RECK: variants seen among roughly 807,000 people sequenced by gnomAD.
The protein encoded by RECK is reversion inducing cysteine rich protein with kazal motifs.
RECK carries 69 observed loss-of-function variants against 115.1 expected under a neutral mutation model. The observed-to-expected ratio is 0.60, with a 90% CI of 0.49 to 0.73. The LOEUF (loss-of-function observed/expected upper bound fraction) is 0.73, where lower values mean the gene tolerates loss of function less well. Ranked by LOEUF, RECK falls within the 30% of genes least tolerant of loss-of-function variation. RECK has a pLI of 0.00. For missense variants in RECK, 1,047 were observed against 1,203.7 expected (o/e 0.87, Z 1.93); for synonymous variants, 414 against 419.7 (o/e 0.99, Z 0.17).
intron 9 of RECK, 82 bp downstream of exon 9, chr9:36,088,043 A>G: frequency 2.0e-6 from 2 of 1,018,780 alleles, no homozygotes; most frequent in Non-Finnish European, 3.0e-6. Context: ...AACGTGTGTT[A>G]TATTCTTACG....
In RECK at chr9:36,104,125, T is replaced by C. The variant is rs552949234; in HGVS notation, c.1436-1018T>C. ...TATTACCATAATAAATTCTCATTTA[T>C]GATAAAACACGCTAAATTATCCTTC... On this transcript the variant is annotated intron_variant, in intron 12 of 20. Coordinates refer to ENST00000377966, the MANE Select transcript of RECK (RefSeq NM_021111.3). Among the ~76,000 whole-genome samples, 377 of 151,662 alleles carry C rather than the reference T, an allele frequency of 2.5e-3. 3 individuals carry two copies. Among genetic ancestry groups the C allele is most frequent in the African/African-American group, 8.9e-3 (367 of 41,382 alleles).
chr9:36,057,300 T>A (rs572558999), intron 2 of RECK, among the ~76,000 whole-genome samples: 1 of 152,202 alleles, frequency 6.6e-6, no homozygotes, highest in South Asian at 2.1e-4. Context: ...TAAAAGTAAT[T>A]AAGAACAGTT....
At position 36,052,243 on chromosome 9, in the gene RECK, G is replaced by T. The variant is rs543212097; in HGVS notation, c.101-22G>T. 25 of 1,517,846 alleles carry T rather than the reference G, an allele frequency of 1.6e-5. No homozygotes were observed. In the South Asian group the frequency reaches 2.8e-4, roughly 17 times the overall value. The allele number at this position is 1,517,846 out of a possible 1,614,324, so 94.0% of individuals were successfully genotyped here. A position where few individuals can be genotyped will look rare whatever the true frequency, so the allele number is the denominator to read the frequency against. Reference sequence around the variant, plus strand: ...CTTGTTTAACAGTGGAACAACATTTGATGTTTATTTTTTCTCCCTAGGTGC... The same window carrying T: ...CTTGTTTAACAGTGGAACAACATTTTATGTTTATTTTTTCTCCCTAGGTGC... On this transcript the variant is annotated intron_variant, in intron 1 of 20. Coordinates refer to ENST00000377966, the MANE Select transcript of RECK (RefSeq NM_021111.3).
chr9:36,115,440 G>A (rs1443965701), intron 16 of RECK, among the ~76,000 whole-genome samples: 3 of 151,916 alleles, frequency 2.0e-5, no homozygotes, highest in Non-Finnish European at 4.4e-5. Context: ...TCAAGTCTCT[G>A]CCCTGCTCAC....
rs1242845310 is a variant in RECK, at chr9:36,102,174, A to G, written c.1379A>G (p.Glu460Gly). The change falls in exon 12 of 21, where the codon GAG becomes GGG. Residue 460 changes from glutamate (E) to glycine (G), a missense_variant. Physicochemically the swap from Glu to Gly is moderately conservative, Grantham distance 98. Coordinates refer to ENST00000377966, the MANE Select transcript of RECK (RefSeq NM_021111.3). ...GACCACACAGCTGAAAGTATTTGTG[A>G]GCTTCTGTCACCTACAGATGATCTG... ...PEDHTAESICELLSPTDDLKN... is the reference protein window; with the variant it reads ...PEDHTAESICGLLSPTDDLKN... 6.2e-7 allele frequency: 1 copy of G among 1,613,530 alleles called. No homozygotes were observed. The highest frequency in any genetic ancestry group is 1.3e-5 in the African/African-American group (1 of 74,902).
At chr9:36,054,055 G>A (rs905016609) in intron 2 of RECK, among the ~76,000 whole-genome samples, 2 of 152,258 alleles carry the variant, frequency 1.3e-5, no homozygotes, top group South Asian at 2.1e-4. Context: ...CGGCTAAGTC[G>A]CCATCCTGAT....
At position 36,036,917 on chromosome 9, in the gene RECK, G is replaced by A; in HGVS notation, c.-82G>A. On this transcript the variant is annotated 5_prime_UTR_variant, in exon 1 of 21. Transcript: ENST00000377966. ...GGGCGCTGGGGGCGGGGCCTCGCGCGAGCGGCGGCGGTAGCGGCGGCAGCG... is the reference window on the plus strand; with the variant it reads ...GGGCGCTGGGGGCGGGGCCTCGCGCAAGCGGCGGCGGTAGCGGCGGCAGCG... 1 of 910,030 alleles carries A rather than the reference G, an allele frequency of 1.1e-6. No homozygotes were observed. The highest frequency in any genetic ancestry group is 3.1e-5 in the South Asian group (1 of 32,284). 56.4% of individuals were successfully genotyped at this position (910,030 alleles called of 1,614,324 possible). A position where few individuals can be genotyped will look rare whatever the true frequency, so the allele number is the denominator to read the frequency against.
intron 9 of RECK, 129 bp from the exon 10 acceptor site, chr9:36,091,035 A>C (rs1823138146): frequency 1.4e-6 from 1 of 703,718 alleles, no homozygotes. Context: ...GGAAATAGTC[A>C]TTTGGTTTTT....
At chr9:36,083,809 G>A (rs1289501025) in intron 8 of RECK, among the ~76,000 whole-genome samples, 1 of 152,148 alleles carries the variant, frequency 6.6e-6, no homozygotes, top group African/African-American at 2.4e-5. Flanking sequence ...CACTGATATG[G>A]ATTTTTTAGA....
At chr9:36,065,766 A>G in intron 6 of RECK, 142 bp downstream of exon 6, 1 of 558,782 alleles carries the variant, frequency 1.8e-6, no homozygotes, top group Non-Finnish European at 2.8e-6. Context: ...CAAAAATGTC[A>G]TTTACTGTGT....
chr9:36,081,661 C>T (rs532560408), intron 7 of RECK, among the ~76,000 whole-genome samples: 2 of 152,082 alleles, frequency 1.3e-5, no homozygotes, highest in African/African-American at 4.8e-5. Context: ...TGGTGAAAAC[C>T]CATCTCTACT....
At chr9:36,068,471 G>A (rs1381897821) in intron 6 of RECK, among the ~76,000 whole-genome samples, 1 of 152,202 alleles carries the variant, frequency 6.6e-6, no homozygotes, top group African/African-American at 2.4e-5. Flanking sequence ...ACCTGGACCA[G>A]TCCTCCAGGT....
chr9:36,057,051 A>G (rs757172126), intron 2 of RECK: 16 of 981,212 alleles, frequency 1.6e-5, no homozygotes, highest in Non-Finnish European at 1.9e-5. Context: ...GTAATGATTT[A>G]TTATTTACTG....
rs58265948 is a variant in RECK, at chr9:36,061,393, TACACAC to T, written c.271+1278_271+1283del. On this transcript the variant is annotated intron_variant, in intron 4 of 20. Coordinates refer to ENST00000377966, the MANE Select transcript of RECK (RefSeq NM_021111.3). ...GCATCCTTAGTATCCTGTAATTTTC[TACACAC>T]ACACACACACACACACACACACACA... Among the ~76,000 whole-genome samples, 1,249 of 129,106 alleles carry T rather than the reference TACACAC, an allele frequency of 9.7e-3. 22 individuals are homozygous for T. Among genetic ancestry groups the T allele is most frequent in the African/African-American group, 0.031 (1,089 of 35,468 alleles). 84.7% of individuals were successfully genotyped at this position (129,106 alleles called of 152,430 possible).
At chr9:36,053,095 T>C (rs1224788479) in intron 2 of RECK, among the ~76,000 whole-genome samples, 1 of 152,228 alleles carries the variant, frequency 6.6e-6, no homozygotes, top group African/African-American at 2.4e-5. Flanking sequence ...TGTGTATATA[T>C]ACAGAGAATT....
At chr9:36,087,412 G>A (rs772434358) in intron 8 of RECK, among the ~76,000 whole-genome samples, 35 of 152,176 alleles carry the variant, frequency 2.3e-4, no homozygotes, top group Non-Finnish European at 8.8e-5. Flanking sequence ...AATACTGCAT[G>A]TTCTCACTCA....
intron 1 of RECK, among the ~76,000 whole-genome samples, chr9:36,038,026 A>G (rs1052750408): frequency 6.0e-5 from 9 of 151,124 alleles, no homozygotes; most frequent in African/African-American, 1.9e-4. Flanking sequence ...AAAAAAGCAA[A>G]GTCAGCCGGG....
At position 36,052,375 on chromosome 9, in the gene RECK, G is replaced by A. The variant is rs780016030; in HGVS notation, c.159+52G>A. 8.0e-6 allele frequency: 11 copies of A among 1,367,118 alleles called. No homozygotes were observed. The African/African-American group carries it at 1.4e-4, about 18-fold the overall frequency. 84.7% of individuals were successfully genotyped at this position (1,367,118 alleles called of 1,614,324 possible). A position where few individuals can be genotyped will look rare whatever the true frequency, so the allele number is the denominator to read the frequency against. The stretch of plus-strand genomic sequence containing the variant: ...CAGCCAGACACAGTGGTTCATGCCT[G>A]TAATCCCAGCACTTTGGGAGGCCAG... On this transcript the variant is annotated intron_variant, in intron 2 of 20. Transcript: ENST00000377966.
intron 16 of RECK, among the ~76,000 whole-genome samples, chr9:36,114,582 G>A (rs1373273781): frequency 6.6e-6 from 1 of 152,180 alleles, no homozygotes; most frequent in Non-Finnish European, 1.5e-5. Context: ...TAAGAAAGTG[G>A]TAGCTCACAC....
Sources: gnomAD v4.1 joint callset for allele counts (sites outside exome capture counted in the v4.1 genomes callset) on GRCh38, gnomAD v4.1.1 for gene constraint, MANE v1.5 for transcripts, NCBI Gene and HGNC (gene_info 2026-07-23, HGNC 2026-07-21) for gene names.